The following ZFAND6 variants were observed in gnomAD, a reference collection of about 807,000 sequenced individuals.
ZFAND6 encodes zinc finger AN1-type containing 6.
Under a neutral mutation model 24.5 loss-of-function variants are expected in ZFAND6, and 12 were observed. That is an observed-to-expected ratio of 0.49 (90% CI 0.31 to 0.79). ZFAND6 has a LOEUF of 0.79. Ranked by LOEUF, ZFAND6 falls within the 30% of genes least tolerant of loss-of-function variation. ZFAND6 has a pLI of 0.04. For missense variants in ZFAND6, 207 were observed against 245.9 expected, an observed-to-expected ratio of 0.84 and a Z score of 1.06; for synonymous variants, 92 against 81.5, an observed-to-expected ratio of 1.13 and a Z score of -0.69.
intron 1 of ZFAND6, among the ~76,000 whole-genome samples, chr15:80,092,787 A>G (rs1165880090): frequency 6.6e-6 from 1 of 152,212 alleles, no homozygotes; most frequent in Non-Finnish European, 1.5e-5. Flanking sequence ...TCTTAAAAAT[A>G]GCTATTATTT....
intron 1 of ZFAND6, among the ~76,000 whole-genome samples, chr15:80,068,957 A>G (rs1421177796): frequency 6.6e-6 from 1 of 152,248 alleles, no homozygotes; most frequent in Non-Finnish European, 1.5e-5. Context: ...AACTCTGTTA[A>G]CTTTTGAATG....
chr15:80,079,114 G>A (rs2037476096), intron 1 of ZFAND6, among the ~76,000 whole-genome samples: 1 of 149,808 alleles, frequency 6.7e-6, no homozygotes, highest in South Asian at 2.1e-4. Flanking sequence ...TTTTTTAATG[G>A]GATTATTTGT....
chr15:80,067,945 A>AT (rs1373080271), intron 1 of ZFAND6, among the ~76,000 whole-genome samples: 1 of 152,072 alleles, frequency 6.6e-6, no homozygotes, highest in Non-Finnish European at 1.5e-5. Flanking sequence ...ATTACTGTTA[A>AT]TTTTATTTCT....
At chr15:80,109,036 G>C (rs1412217385) in intron 2 of ZFAND6, among the ~76,000 whole-genome samples, 1 of 152,060 alleles carries the variant, frequency 6.6e-6, no homozygotes, top group Non-Finnish European at 1.5e-5. Flanking sequence ...AGGCATCTTT[G>C]TTCAGTGCAT....
intron 1 of ZFAND6, among the ~76,000 whole-genome samples, chr15:80,072,954 G>A (rs976810683): frequency 1.3e-5 from 2 of 151,830 alleles, no homozygotes; most frequent in Non-Finnish European, 2.9e-5. Flanking sequence ...TCAGTTGTCA[G>A]TTTTTATAAA....
At chr15:80,114,547 G>A (rs1313018016) in intron 2 of ZFAND6, among the ~76,000 whole-genome samples, 2 of 152,316 alleles carry the variant, frequency 1.3e-5, no homozygotes, top group Non-Finnish European at 2.9e-5. Context: ...GAAAAGCAAT[G>A]AGAACCACAG....
chr15:80,106,685 T>C (rs892730630), intron 2 of ZFAND6, among the ~76,000 whole-genome samples: 1 of 152,128 alleles, frequency 6.6e-6, no homozygotes, highest in Non-Finnish European at 1.5e-5. Flanking sequence ...GACAGTGTTA[T>C]TACAAGTAAG....
At chr15:80,069,473 G>T (rs2036849657) in intron 1 of ZFAND6, among the ~76,000 whole-genome samples, 1 of 151,936 alleles carries the variant, frequency 6.6e-6, no homozygotes, top group Non-Finnish European at 1.5e-5. Flanking sequence ...TTTGTGTTCA[G>T]TGTTTGACCT....
At chr15:80,121,073 G>A (rs34064067) in intron 3 of ZFAND6, among the ~76,000 whole-genome samples, 2 of 152,178 alleles carry the variant, frequency 1.3e-5, no homozygotes, top group Non-Finnish European at 2.9e-5. Flanking sequence ...CCAAGTATAA[G>A]CTTTGCAAAA....
chr15:80,125,538 G>A (rs2040338121), intron 5 of ZFAND6, among the ~76,000 whole-genome samples: 1 of 152,176 alleles, frequency 6.6e-6, no homozygotes, highest in African/African-American at 2.4e-5. Context: ...TGGCTCTGAA[G>A]AATTTTTATG....
chr15:80,103,665 C>T (rs1003048453), intron 2 of ZFAND6, among the ~76,000 whole-genome samples: 8 of 152,128 alleles, frequency 5.3e-5, no homozygotes, highest in Non-Finnish European at 1.0e-4. Context: ...TATGTGAAAA[C>T]ACCAAAAATG....
chr15:80,107,266 G>A (rs2039381430), intron 2 of ZFAND6, among the ~76,000 whole-genome samples: 1 of 152,168 alleles, frequency 6.6e-6, no homozygotes, highest in South Asian at 2.1e-4. Flanking sequence ...GGAATACTCA[G>A]CAAGTGAAAC....
chr15:80,072,574 G>C (rs951937953), intron 1 of ZFAND6: 4 of 152,102 alleles, frequency 2.6e-5, no homozygotes, highest in Admixed American at 6.5e-5. Context: ...ATTCAGGTTT[G>C]GTTGCTTTGG....
chr15:80,124,226 G>A (rs2040273307), intron 5 of ZFAND6, among the ~76,000 whole-genome samples: 1 of 152,196 alleles, frequency 6.6e-6, no homozygotes, highest in South Asian at 2.1e-4. Context: ...GAGGTCAGGA[G>A]ATCGAGACCA....
chr15:80,116,101 T>G (rs1233049758), intron 2 of ZFAND6, among the ~76,000 whole-genome samples: 8 of 146,702 alleles, frequency 5.5e-5, no homozygotes, highest in African/African-American at 1.7e-4. Flanking sequence ...TTTTTTTTTG[T>G]TTTTTTTTTT....
At chr15:80,080,229 T>G (rs1338095734) in intron 1 of ZFAND6, among the ~76,000 whole-genome samples, 1 of 151,604 alleles carries the variant, frequency 6.6e-6, no homozygotes, top group Non-Finnish European at 1.5e-5. Context: ...ATTCCTGACC[T>G]CGGGTGATCC....
Position 80,073,289 on chromosome 15 carries a change from C to T in ZFAND6, c.-181+13480C>T, listed in dbSNP as rs75417019. 2,013 of 335,004 alleles carry T rather than the reference C, an allele frequency of 6.0e-3. 34 individuals are homozygous for T. The highest frequency in any genetic ancestry group is 0.041 in the African/African-American group (1,871 of 45,108). 20.8% of individuals were successfully genotyped at this position (335,004 alleles called of 1,614,324 possible). On this transcript the variant is annotated intron_variant, in intron 1 of 6. Coordinates refer to ENST00000261749, the MANE Select transcript of ZFAND6 (RefSeq NM_019006.4). The stretch of plus-strand genomic sequence containing the variant: ...AGGTGGAGATAAGTAATTAACATTT[C>T]GAAACAGGAAATGAAAGGATTTATA...
chr15:80,133,065 G>T (rs1167554646), intron 6 of ZFAND6, among the ~76,000 whole-genome samples: 4 of 151,886 alleles, frequency 2.6e-5, no homozygotes, highest in Non-Finnish European at 5.9e-5. Context: ...TTATGTGGGT[G>T]CAGGATTGCT....
intron 1 of ZFAND6, among the ~76,000 whole-genome samples, chr15:80,061,682 T>A (rs2141766018): frequency 6.6e-6 from 1 of 152,364 alleles, no homozygotes; most frequent in South Asian, 2.1e-4. Context: ...CTGCCATAAC[T>A]TATGGGCACT....
Sources: allele counts gnomAD v4.1 joint callset (sites outside exome capture counted in the v4.1 genomes callset), GRCh38; gene constraint gnomAD v4.1.1; transcripts MANE v1.5; gene names NCBI Gene and HGNC (gene_info 2026-07-23, HGNC 2026-07-21).